Variants in C10orf53 observed in about 807,000 individuals in gnomAD.
C10orf53 encodes chromosome 10 open reading frame 53, also known as UPF0728 protein C10orf53.
C10orf53 carries 8 observed loss-of-function variants against 9.4 expected under a neutral mutation model. The observed-to-expected ratio is 0.85, with a 90% CI of 0.50 to 1.53. C10orf53 has a LOEUF of 1.53. Among genes scored for constraint, C10orf53 ranks in the 40% most tolerant of loss-of-function variants. The pLI, the probability that C10orf53 is intolerant of heterozygous loss-of-function variation, is 0.00. For missense variants in C10orf53, 117 were observed against 117.8 expected (o/e 0.99, Z 0.03); for synonymous variants, 48 against 46.0 (o/e 1.04, Z -0.18).
At chr10:49,679,937 A>G in intron 1 of C10orf53, 143 bp downstream of exon 1, 1 of 757,926 alleles carries the variant, frequency 1.3e-6, no homozygotes. Context: ...GTTGCAACCT[A>G]TGGCTTCCAG....
At chr10:49,686,460 CG>C (rs1564504132) in intron 1 of C10orf53, among the ~76,000 whole-genome samples, 1 of 152,142 alleles carries the variant, frequency 6.6e-6, no homozygotes. Context: ...GGTCTGCCTG[CG>C]GGGTCGGGCA....
At chr10:49,709,846 C>T (rs1840749993) in exon 3 of C10orf53, 1 of 152,562 alleles carries the variant, frequency 6.6e-6, no homozygotes, top group South Asian at 2.1e-4. Flanking sequence ...ATAATCTTTC[C>T]CCTTCTCCCT....
At chr10:49,708,875 G>A in exon 3 of C10orf53, 1 of 536,596 alleles carries the variant, frequency 1.9e-6, no homozygotes, top group Non-Finnish European at 3.3e-6. Flanking sequence ...TGGGAACTTG[G>A]GGACAGCCCC....
intron 1 of C10orf53, among the ~76,000 whole-genome samples, chr10:49,690,833 A>C (rs1840577377): frequency 6.6e-6 from 1 of 152,098 alleles, no homozygotes; most frequent in Non-Finnish European, 1.5e-5. Context: ...GGGTGTGTGT[A>C]TGCCTCTGTG....
chr10:49,709,786 C>G (rs41281965), exon 3 of C10orf53: 2,373 of 152,610 alleles, frequency 0.016, 36 homozygotes, highest in South Asian at 0.03. Context: ...CTCCTGGCAT[C>G]CCCTTCTCCA....
chr10:49,702,967 T>G (rs942007254), intron 2 of C10orf53, among the ~76,000 whole-genome samples: 1 of 152,114 alleles, frequency 6.6e-6, no homozygotes, highest in African/African-American at 2.4e-5. Flanking sequence ...AAGAGGGGTT[T>G]TCCCTGCTCC....
downstream of C10orf53, among the ~76,000 whole-genome samples, chr10:49,699,701 T>C (rs145338192): frequency 3.5e-3 from 536 of 152,334 alleles, 3 homozygotes; most frequent in African/African-American, 0.013. Context: ...CTGGCTCTCC[T>C]GTCCACAGCT....
exon 3 of C10orf53, chr10:49,708,551 G>A (rs780647810): frequency 6.2e-7 from 1 of 1,614,186 alleles, no homozygotes; most frequent in Non-Finnish European, 8.5e-7. Context: ...TTTGTGACCT[G>A]GGTTGGCCAG....
chr10:49,703,655 A>G lies in C10orf53; in HGVS notation c.218-4706A>G, dbSNP rs1238458592. ...TCTTGTGATGCCTGGTCTTGTGATAAACTGAGTGCTTTAGATCTGGGGACA... is the reference window on the plus strand; with the variant it reads ...TCTTGTGATGCCTGGTCTTGTGATAGACTGAGTGCTTTAGATCTGGGGACA... On this transcript the variant is annotated intron_variant, in intron 2 of 2. Coordinates refer to the C10orf53 transcript ENST00000374112. 2.6e-5 allele frequency among the ~76,000 whole-genome samples: 4 copies of G among 152,302 alleles called. No homozygotes were observed. The South Asian group carries it at 8.3e-4, about 32-fold the overall frequency.
chr10:49,699,895 C>CG (rs781202404), downstream of C10orf53, among the ~76,000 whole-genome samples: 1 of 35,956 alleles, frequency 2.8e-5, no homozygotes, highest in Admixed American at 2.2e-4. Flanking sequence ...CAGAGCTCAT[C>CG]CCCCCCGAGA....
At chr10:49,684,987 A>G (rs990453390) in intron 1 of C10orf53, among the ~76,000 whole-genome samples, 1 of 152,224 alleles carries the variant, frequency 6.6e-6, no homozygotes, top group East Asian at 1.9e-4. Context: ...GCCTTAAGAG[A>G]ACAAACATTG....
chr10:49,708,321 C>T, intron 2 of C10orf53: 3 of 1,602,836 alleles, frequency 1.9e-6, no homozygotes, highest in Non-Finnish European at 2.6e-6. Flanking sequence ...CTGTCTCCAT[C>T]TCTTGATGCT....
chr10:49,688,618 G>T (rs1027456694), intron 1 of C10orf53, among the ~76,000 whole-genome samples: 1 of 138,934 alleles, frequency 7.2e-6, no homozygotes, highest in Non-Finnish European at 1.5e-5. Context: ...TGGCCCCCCT[G>T]ATCTCACCCC....
downstream of C10orf53, among the ~76,000 whole-genome samples, chr10:49,701,542 A>G (rs145190706): frequency 2.7e-3 from 412 of 152,320 alleles, 1 homozygote; most frequent in Non-Finnish European, 3.9e-3. Flanking sequence ...TCTACACACA[A>G]TCAGGGTACC....
At chr10:49,705,625 C>T (rs1840717498) in intron 2 of C10orf53, among the ~76,000 whole-genome samples, 2 of 152,018 alleles carry the variant, frequency 1.3e-5, no homozygotes, top group Admixed American at 1.3e-4. Context: ...CAAAAATTAA[C>T]TCAAAATAGA....
At chr10:49,706,985 G>A (rs1258234) in intron 2 of C10orf53, among the ~76,000 whole-genome samples, 56,713 of 152,106 alleles carry the variant, frequency 0.37, 12,796 homozygotes, top group East Asian at 0.81. Flanking sequence ...TAGGAGAACA[G>A]GAGGAAAACA....
chr10:49,702,175 C>G (rs1840688584), downstream of C10orf53, among the ~76,000 whole-genome samples: 1 of 127,254 alleles, frequency 7.9e-6, no homozygotes, highest in Admixed American at 1.0e-4. Flanking sequence ...CCAGCCTGGG[C>G]AACAGCGTGA....
chr10:49,692,924 T>C (rs1387608669), intron 1 of C10orf53, among the ~76,000 whole-genome samples: 3 of 152,232 alleles, frequency 2.0e-5, no homozygotes, highest in African/African-American at 7.2e-5. Flanking sequence ...CAGATTATTA[T>C]ACGCAATCTG....
intron 2 of C10orf53, among the ~76,000 whole-genome samples, chr10:49,702,534 C>G (rs1840691868): frequency 6.6e-6 from 1 of 152,132 alleles, no homozygotes; most frequent in South Asian, 2.1e-4. Context: ...TATCCTCAAG[C>G]CGGGATGTTG....
Sources: allele counts gnomAD v4.1 joint callset (sites outside exome capture counted in the v4.1 genomes callset), GRCh38; gene constraint gnomAD v4.1.1; transcripts MANE v1.5; gene names NCBI Gene and HGNC (gene_info 2026-07-23, HGNC 2026-07-21).